The following TRAPPC9 variants were observed in gnomAD, a reference collection of about 807,000 sequenced individuals.
TRAPPC9 encodes the protein IKK2 binding protein.
A neutral mutation model predicts 124.0 loss-of-function variants in TRAPPC9; 83 were observed. The observed-to-expected ratio is 0.67, with a 90% CI of 0.56 to 0.80. TRAPPC9 has a LOEUF of 0.80. TRAPPC9 is among the 30% of genes least tolerant of loss of function. The probability of loss-of-function intolerance (pLI) is 0.00; values close to 1 mark genes in which losing one functional copy is unlikely to be tolerated. For synonymous variants in TRAPPC9, 638 were observed against 617.5 expected (o/e 1.03, Z -0.49); for missense variants, 1,302 against 1,508.3 (o/e 0.86, Z 2.27).
chr8:140,065,673 A>G (rs762095967), intron 17 of TRAPPC9, among the ~76,000 whole-genome samples: 4 of 152,264 alleles, frequency 2.6e-5, no homozygotes, highest in Admixed American at 6.5e-5. Flanking sequence ...ATCTGTTTAT[A>G]GCATGGTTTC....
At chr8:139,954,758 A>G (rs897406859) in intron 19 of TRAPPC9, among the ~76,000 whole-genome samples, 2 of 152,130 alleles carry the variant, frequency 1.3e-5, no homozygotes, top group Admixed American at 1.3e-4. Context: ...GCCACTTGAC[A>G]CTCAAGTGAC....
At chr8:140,215,292 A>T (rs2063163769) in intron 17 of TRAPPC9, among the ~76,000 whole-genome samples, 1 of 152,162 alleles carries the variant, frequency 6.6e-6, no homozygotes, top group Non-Finnish European at 1.5e-5. Flanking sequence ...GACCTTTCCC[A>T]TCAGATCCTG....
intron 21 of TRAPPC9, among the ~76,000 whole-genome samples, chr8:139,769,270 T>C (rs1820791993): frequency 1.3e-5 from 2 of 152,230 alleles, no homozygotes; most frequent in Non-Finnish European, 2.9e-5. Flanking sequence ...GTATTAGGCA[T>C]AGTGAGAGAC....
intron 19 of TRAPPC9, among the ~76,000 whole-genome samples, chr8:139,922,670 A>C (rs1212396405): frequency 6.6e-6 from 1 of 152,198 alleles, no homozygotes; most frequent in Non-Finnish European, 1.5e-5. Context: ...TTCCTCCCCC[A>C]GTTCCAGGTG....
At chr8:140,440,631 C>G (rs1046193961) in intron 2 of TRAPPC9, among the ~76,000 whole-genome samples, 1 of 152,186 alleles carries the variant, frequency 6.6e-6, no homozygotes, top group African/African-American at 2.4e-5. Context: ...TGCTTCTATA[C>G]ACACACAGCC....
At chr8:140,218,003 C>A (rs2063238581) in intron 17 of TRAPPC9, among the ~76,000 whole-genome samples, 1 of 139,178 alleles carries the variant, frequency 7.2e-6, no homozygotes, top group Non-Finnish European at 1.6e-5. Flanking sequence ...GGCAAGAGAG[C>A]AATACTCTGT....
chr8:140,325,439 G>A (rs539275875), intron 9 of TRAPPC9, among the ~76,000 whole-genome samples: 1 of 152,204 alleles, frequency 6.6e-6, no homozygotes, highest in African/African-American at 2.4e-5. Flanking sequence ...TCTATATCAG[G>A]AATAAAAAGG....
intron 19 of TRAPPC9, among the ~76,000 whole-genome samples, chr8:139,975,238 C>G (rs1272233465): frequency 2.6e-5 from 4 of 152,226 alleles, no homozygotes; most frequent in African/African-American, 9.7e-5. Context: ...GCACTAGAGA[C>G]AGTGGCGACT....
Position 140,097,097 on chromosome 8 carries a change from A to C in TRAPPC9, c.2557-73018T>G, listed in dbSNP as rs2130289408. Reference sequence around the variant, plus strand: ...CAGGTTGCAGGTGGAGCTGTGTTGCAGTCAGAAGGGGAGGGACCTCCTCTA... The same window carrying C: ...CAGGTTGCAGGTGGAGCTGTGTTGCCGTCAGAAGGGGAGGGACCTCCTCTA... On this transcript the variant is annotated intron_variant, in intron 17 of 22. Transcript: ENST00000438773. The surrounding 1 kb of genome is among the most constrained non-coding windows in gnomAD (Gnocchi z 4.2). 6.6e-6 allele frequency: 1 copy of C among 152,462 alleles called. No homozygotes were observed. The allele number at this position is 152,462 out of a possible 1,614,324, so 9.4% of individuals were successfully genotyped here.
At chr8:140,403,939 G>T (rs1427424910) in intron 6 of TRAPPC9, among the ~76,000 whole-genome samples, 3 of 151,968 alleles carry the variant, frequency 2.0e-5, no homozygotes, top group Non-Finnish European at 4.4e-5. Flanking sequence ...ATTACTGGCG[G>T]GCGTGAGCCA....
intron 21 of TRAPPC9, among the ~76,000 whole-genome samples, chr8:139,736,201 G>A (rs1342985334): frequency 6.6e-6 from 1 of 152,216 alleles, no homozygotes; most frequent in Non-Finnish European, 1.5e-5. Flanking sequence ...GCAGTGCTCT[G>A]GAATGGCAGG....
At chr8:140,208,617 A>G (rs569737646) in intron 17 of TRAPPC9, among the ~76,000 whole-genome samples, 1 of 152,246 alleles carries the variant, frequency 6.6e-6, no homozygotes, top group Non-Finnish European at 1.5e-5. Flanking sequence ...GCAATTCTTT[A>G]GAGGTCATTT....
intron 17 of TRAPPC9, among the ~76,000 whole-genome samples, chr8:140,203,009 TG>T (rs1437306083): frequency 6.6e-6 from 1 of 152,182 alleles, no homozygotes; most frequent in Non-Finnish European, 1.5e-5. Context: ...AAGAAAAAAG[TG>T]GTGCTAGCTG....
intron 12 of TRAPPC9, among the ~76,000 whole-genome samples, chr8:140,288,416 G>A (rs758393720): frequency 6.6e-6 from 1 of 152,104 alleles, no homozygotes; most frequent in African/African-American, 2.4e-5. Context: ...AACTTATTTC[G>A]GTATGTACTA....
At chr8:140,146,302 T>C (rs1347043086) in intron 17 of TRAPPC9, among the ~76,000 whole-genome samples, 1 of 152,270 alleles carries the variant, frequency 6.6e-6, no homozygotes, top group Admixed American at 6.5e-5. Flanking sequence ...TACATGCCAC[T>C]GCACATGCAG....
At chr8:140,034,246 T>A (rs1039253993) in intron 17 of TRAPPC9, among the ~76,000 whole-genome samples, 2 of 152,222 alleles carry the variant, frequency 1.3e-5, no homozygotes, top group Non-Finnish European at 2.9e-5. Context: ...ACATTAACCA[T>A]GTATCAATGT....
At chr8:139,838,661 C>T (rs572113731) in intron 21 of TRAPPC9, among the ~76,000 whole-genome samples, 29 of 152,140 alleles carry the variant, frequency 1.9e-4, no homozygotes, top group Non-Finnish European at 2.9e-4. Flanking sequence ...GCTGTGATGA[C>T]GGGTGGGTGG....
chr8:140,324,525 C>T (rs1461125927), intron 9 of TRAPPC9, among the ~76,000 whole-genome samples: 2 of 152,174 alleles, frequency 1.3e-5, no homozygotes, highest in African/African-American at 4.8e-5. Flanking sequence ...AATCCCGGCA[C>T]TTTGGGAGGC....
chr8:140,092,356 C>T (rs1284635079), intron 17 of TRAPPC9, among the ~76,000 whole-genome samples: 5 of 151,868 alleles, frequency 3.3e-5, no homozygotes, highest in Admixed American at 3.3e-4. Context: ...CGATGCCACG[C>T]GAGGCTAATT....
Sources: gnomAD v4.1 joint callset for allele counts (sites outside exome capture counted in the v4.1 genomes callset) on GRCh38, gnomAD v4.1.1 for gene constraint, Gnocchi (gnomAD v3.1) non-coding constraint, MANE v1.5 for transcripts, NCBI Gene and HGNC (gene_info 2026-07-23, HGNC 2026-07-21) for gene names.